The following FSTL5 variants were observed in gnomAD, a reference collection of about 807,000 sequenced individuals.
FSTL5 encodes the protein follistatin like 5, also known as follistatin-related protein 5.
Under a neutral mutation model 89.1 loss-of-function variants are expected in FSTL5, and 62 were observed. That is an observed-to-expected ratio of 0.70 (90% CI 0.57 to 0.86). The LOEUF is 0.86. Among genes scored for constraint, FSTL5 ranks in the 40% least tolerant of loss-of-function variants. FSTL5 has a pLI of 0.00. For synonymous variants in FSTL5, 383 were observed against 346.2 expected (o/e 1.11, Z -1.18); for missense variants, 1,057 against 1,001.6 (o/e 1.06, Z -0.75).
At chr4:162,163,449 A>C (rs1733768394) in intron 1 of FSTL5, among the ~76,000 whole-genome samples, 166 bp downstream of exon 1, 1 of 139,792 alleles carries the variant, frequency 7.2e-6, no homozygotes, top group Non-Finnish European at 1.5e-5. Context: ...AATAATAATA[A>C]TAATAATAAT....
chr4:161,557,343 A>AT (rs1732429732), intron 8 of FSTL5, among the ~76,000 whole-genome samples: 1 of 151,470 alleles, frequency 6.6e-6, no homozygotes, highest in Non-Finnish European at 1.5e-5. Context: ...AGAATTTTTA[A>AT]TCTTCAGTTT....
At chr4:161,684,428 G>T (rs1413522643) in intron 6 of FSTL5, among the ~76,000 whole-genome samples, 1 of 151,942 alleles carries the variant, frequency 6.6e-6, no homozygotes, top group African/African-American at 2.4e-5. Flanking sequence ...CTACATTCAC[G>T]CCAACATCTA....
chr4:161,701,020 G>C (rs576865260), intron 6 of FSTL5, among the ~76,000 whole-genome samples: 11 of 152,154 alleles, frequency 7.2e-5, no homozygotes, highest in African/African-American at 2.6e-4. Context: ...AACTATGGAG[G>C]CATATTCTTT....
chr4:162,126,270 T>C (rs1207369999), intron 1 of FSTL5, among the ~76,000 whole-genome samples: 9 of 152,060 alleles, frequency 5.9e-5, no homozygotes, highest in Admixed American at 5.9e-4. Context: ...GTTCTTTGTA[T>C]CTTAAAATTT....
intron 4 of FSTL5, among the ~76,000 whole-genome samples, chr4:161,867,466 G>C (rs1732130105): frequency 6.6e-6 from 1 of 151,866 alleles, no homozygotes; most frequent in Admixed American, 6.6e-5. Flanking sequence ...AAATGTGTAT[G>C]AATATTATGG....
intron 4 of FSTL5, among the ~76,000 whole-genome samples, chr4:161,865,204 A>G (rs981223955): frequency 5.9e-5 from 9 of 152,136 alleles, no homozygotes; most frequent in Non-Finnish European, 1.0e-4. Context: ...TCAGAAGACA[A>G]CCACAAAATC....
chr4:162,132,885 G>C (rs980058166), intron 1 of FSTL5, among the ~76,000 whole-genome samples: 2 of 152,120 alleles, frequency 1.3e-5, no homozygotes, highest in African/African-American at 4.8e-5. Flanking sequence ...TTTAGAAGTC[G>C]GACCTTTGTT....
At chr4:161,836,781 A>C (rs1731057733) in intron 4 of FSTL5, among the ~76,000 whole-genome samples, 1 of 152,110 alleles carries the variant, frequency 6.6e-6, no homozygotes, top group Non-Finnish European at 1.5e-5. Context: ...ATAGAGCAAA[A>C]ATGGAGATGC....
chr4:161,506,082 A>T (rs116117746), intron 11 of FSTL5, among the ~76,000 whole-genome samples: 1,713 of 151,946 alleles, frequency 0.011, 28 homozygotes, highest in African/African-American at 0.038. Flanking sequence ...CTGAGGCAGG[A>T]TATTGCTCTG....
intron 4 of FSTL5, among the ~76,000 whole-genome samples, chr4:161,908,155 T>C (rs1279565691): frequency 6.6e-6 from 1 of 151,986 alleles, no homozygotes; most frequent in Non-Finnish European, 1.5e-5. Flanking sequence ...ACATATATCA[T>C]TGGCCATGAA....
At chr4:161,828,995 G>A (rs1041716494) in intron 4 of FSTL5, among the ~76,000 whole-genome samples, 1 of 151,708 alleles carries the variant, frequency 6.6e-6, no homozygotes, top group African/African-American at 2.4e-5. Context: ...CCAAGTCTCA[G>A]GTTAAGAATT....
rs577644891 is a variant in FSTL5, at chr4:161,723,776, T to C, written c.727+35635A>G. ...ACACAGATGTTTTCATTAAGAAGAGTAAATTGAAGAACGAAACCTTAAAGA... is the reference window on the plus strand; with the variant it reads ...ACACAGATGTTTTCATTAAGAAGAGCAAATTGAAGAACGAAACCTTAAAGA... On this transcript the variant is annotated intron_variant, in intron 6 of 15. Coordinates refer to ENST00000306100, the MANE Select transcript of FSTL5 (RefSeq NM_020116.5). Among the ~76,000 whole-genome samples, 10 of 152,070 alleles carry C rather than the reference T, an allele frequency of 6.6e-5. No homozygotes were observed. The East Asian group carries it at 1.9e-3, about 29-fold the overall frequency.
At chr4:161,637,978 T>A (rs1178550080) in intron 7 of FSTL5, among the ~76,000 whole-genome samples, 1 of 151,778 alleles carries the variant, frequency 6.6e-6, no homozygotes, top group Non-Finnish European at 1.5e-5. Context: ...AACTTTAAAG[T>A]AGTTTTTTCC....
chr4:162,090,685 G>T (rs948790130), intron 2 of FSTL5, among the ~76,000 whole-genome samples: 2 of 151,914 alleles, frequency 1.3e-5, no homozygotes, highest in African/African-American at 4.8e-5. Flanking sequence ...GCTGGGCGTG[G>T]TGGTGCACGC....
At chr4:161,478,240 T>C (rs1444823179) in intron 13 of FSTL5, among the ~76,000 whole-genome samples, 3 of 152,116 alleles carry the variant, frequency 2.0e-5, no homozygotes, top group South Asian at 2.1e-4. Context: ...TACTCAAATA[T>C]AGTAAATTAT....
At chr4:161,495,684 A>C (rs1560923165) in intron 12 of FSTL5, among the ~76,000 whole-genome samples, 2 of 152,080 alleles carry the variant, frequency 1.3e-5, no homozygotes, top group East Asian at 3.9e-4. Context: ...TTGATTCTAT[A>C]CTCTAAATAT....
chr4:161,598,320 A>G (rs1033162724), intron 7 of FSTL5, among the ~76,000 whole-genome samples: 8 of 152,136 alleles, frequency 5.3e-5, no homozygotes, highest in Non-Finnish European at 5.9e-5. Context: ...GGTTGCAGTG[A>G]GCCAAAATTG....
chr4:161,650,308 T>C (rs962351248), intron 7 of FSTL5, among the ~76,000 whole-genome samples: 1 of 152,146 alleles, frequency 6.6e-6, no homozygotes, highest in Non-Finnish European at 1.5e-5. Flanking sequence ...AATCAAACTA[T>C]TGAGTTTCAC....
intron 8 of FSTL5, among the ~76,000 whole-genome samples, chr4:161,559,316 TC>T (rs1732503587): frequency 6.6e-6 from 1 of 151,810 alleles, no homozygotes; most frequent in Admixed American, 6.6e-5. Flanking sequence ...GCTGTTTCCT[TC>T]TATTTCCTTC....
Sources: allele counts gnomAD v4.1 joint callset (sites outside exome capture counted in the v4.1 genomes callset), GRCh38; gene constraint gnomAD v4.1.1; transcripts MANE v1.5; gene names NCBI Gene and HGNC (gene_info 2026-07-23, HGNC 2026-07-21).